SETD4: variants seen among roughly 807,000 people sequenced by gnomAD.
SETD4 encodes SET domain containing 4, also known as SET domain-containing protein 4.
Under a neutral mutation model 58.3 loss-of-function variants are expected in SETD4, and 46 were observed. The observed-to-expected ratio is 0.79, with a 90% CI of 0.62 to 1.01. The LOEUF is 1.01. Ranked by LOEUF, SETD4 falls within the 50% of genes least tolerant of loss-of-function variation. The pLI is 0.00. For synonymous variants in SETD4, 190 were observed against 202.6 expected (o/e 0.94, Z 0.53); for missense variants, 490 against 523.3 (o/e 0.94, Z 0.62).
intron 6 of SETD4, 133 bp from the exon 7 acceptor site, chr21:36,044,089 G>T: frequency 9.1e-7 from 1 of 1,096,414 alleles, no homozygotes; most frequent in South Asian, 1.6e-5. Flanking sequence ...ACTACGCATA[G>T]GGAAAATGCC....
intron 10 of SETD4, 100 bp downstream of exon 10, chr21:36,038,050 C>T: frequency 7.5e-7 from 1 of 1,332,050 alleles, no homozygotes; most frequent in Non-Finnish European, 1.0e-6. Flanking sequence ...AGGCACTAAA[C>T]AATGCTCTTA....
At chr21:36,044,679 G>A (rs2064225392) in intron 6 of SETD4, among the ~76,000 whole-genome samples, 1 of 152,192 alleles carries the variant, frequency 6.6e-6, no homozygotes, top group Admixed American at 6.5e-5. Context: ...TTGTTCCTGG[G>A]CTAAGAAAGC....
At chr21:36,060,098 G>A (rs1024821542) in intron 1 of SETD4, 4 of 985,658 alleles carry the variant, frequency 4.1e-6, no homozygotes, top group Non-Finnish European at 4.8e-6. Flanking sequence ...AGCCAGGCGA[G>A]CATCGGACCT....
intron 7 of SETD4, 163 bp from the exon 8 acceptor site, chr21:36,042,051 GTCAC>G: frequency 2.0e-6 from 1 of 503,646 alleles, no homozygotes. Flanking sequence ...GTCCAATTCA[GTCAC>G]ATCAGTACTG....
intron 9 of SETD4, among the ~76,000 whole-genome samples, chr21:36,039,082 T>G (rs2835241): frequency 0.36 from 54,656 of 151,906 alleles, 9,929 homozygotes; most frequent in Admixed American, 0.41. Context: ...CAGCCCGGAA[T>G]AGTCTCAGAA....
chr21:36,050,160 G>A, intron 4 of SETD4: 1 of 918,694 alleles, frequency 1.1e-6, no homozygotes, highest in Non-Finnish European at 1.8e-6. Flanking sequence ...ATAATCAACT[G>A]GTAGATGTTA....
intron 3 of SETD4, 29 bp downstream of exon 3, chr21:36,057,080 G>A: frequency 1.3e-6 from 2 of 1,583,474 alleles, no homozygotes; most frequent in South Asian, 1.1e-5. Flanking sequence ...GTGTGGGAAA[G>A]GGCAGGACAG....
At position 36,058,926 on chromosome 21, in the gene SETD4, T is replaced by C; in HGVS notation, c.-36-2A>G. 1 of 1,548,906 alleles carries C rather than the reference T, an allele frequency of 6.5e-7. No homozygotes were observed. The highest frequency in any genetic ancestry group is 8.7e-7 in the Non-Finnish European group (1 of 1,151,670). On this transcript the variant is annotated splice_acceptor_variant, in intron 1 of 11. Coordinates refer to ENST00000332131, the MANE Select transcript of SETD4 (RefSeq NM_017438.5). LOFTEE classifies it low-confidence loss of function (5UTR_SPLICE). The stretch of plus-strand genomic sequence containing the variant: ...GTTTCTTTTTTCTGAAATACAGTTC[T>C]ATTTTTTCAAAAAGGACAAAACTGT...
intron 4 of SETD4, chr21:36,050,074 G>A: frequency 1.7e-6 from 1 of 597,168 alleles, no homozygotes. Context: ...TAGGAGGGTG[G>A]TGCACTCTAA....
chr21:36,050,388 T>G (rs1487020832), intron 4 of SETD4: 22 of 1,613,988 alleles, frequency 1.4e-5, no homozygotes, highest in Non-Finnish European at 1.8e-5. Context: ...GAAAGGAAAC[T>G]TGGGTCTGCG....
chr21:36,049,329 T>G lies in SETD4; in HGVS notation c.208-933A>C, dbSNP rs527851892. On this transcript the variant is annotated intron_variant, in intron 4 of 11. Transcript: ENST00000332131. ...CAGCACTTTGGGAGGCTGAGGCAGG[T>G]GGATCGCTTGAGGTCAGGAGTTCAA... 3.3e-5 allele frequency among the ~76,000 whole-genome samples: 5 copies of G among 151,964 alleles called. No individual in the cohort carries two copies. In the East Asian group the frequency reaches 9.7e-4, roughly 29 times the overall value.
chr21:36,058,310 G>A (rs994837540), intron 2 of SETD4, among the ~76,000 whole-genome samples: 5 of 152,124 alleles, frequency 3.3e-5, no homozygotes, highest in Non-Finnish European at 7.3e-5. Flanking sequence ...AGACCAGCCT[G>A]TGCAACATAG....
intron 3 of SETD4, among the ~76,000 whole-genome samples, chr21:36,055,873 T>A (rs2064960683): frequency 6.6e-6 from 1 of 152,108 alleles, no homozygotes; most frequent in South Asian, 2.1e-4. Flanking sequence ...TTTAAACCCA[T>A]CCTTCCTAGG....
At position 36,036,182 on chromosome 21, in the gene SETD4, C is replaced by T; in HGVS notation, c.1258G>A (p.Glu420Lys). The change falls in exon 11 of 12, where the codon GAA becomes AAA. Residue 420 changes from glutamate to lysine, a missense_variant. By Grantham distance (56) the Glu-to-Lys change is moderately conservative. Transcript: ENST00000332131. ...QLTLVESLWTEELKILRASAE... is the reference protein window; with the variant it reads ...QLTLVESLWTKELKILRASAE... ...GATGCCCTGAGAATCTTTAGCTCTT[C>T]CGTCCACAAGGATTCCACCAAAGTT... is the stretch of plus-strand genomic sequence containing the variant. The T allele has an allele frequency of 2.5e-6, 4 of 1,614,000 alleles. No homozygotes were observed. Among genetic ancestry groups the T allele is most frequent in the Non-Finnish European group, 3.4e-6 (4 of 1,180,008 alleles).
chr21:36,053,898 G>A (rs1309979161), intron 3 of SETD4, among the ~76,000 whole-genome samples: 1 of 152,210 alleles, frequency 6.6e-6, no homozygotes, highest in Non-Finnish European at 1.5e-5. Context: ...TGGGCCTCCT[G>A]CAGGACGCTT....
chr21:36,042,161 A>C (rs2064096314), intron 7 of SETD4: 1 of 233,894 alleles, frequency 4.3e-6, no homozygotes, highest in Admixed American at 6.0e-5. Flanking sequence ...AAAAACAAGC[A>C]GGTCATTAGG....
Position 36,048,402 on chromosome 21 carries a change from C to T in SETD4, c.208-6G>A, listed in dbSNP as rs1568924954. 6.2e-7 allele frequency: 1 copy of T among 1,613,804 alleles called. No homozygotes were observed. The highest frequency in any genetic ancestry group is 8.5e-7 in the Non-Finnish European group (1 of 1,179,802). On this transcript the variant is annotated splice_region_variant and splice_polypyrimidine_tract_variant and intron_variant, in intron 4 of 11. Transcript: ENST00000332131. ...GAAATAATCATCTGTCCCTCCTGGC[C>T]AAAAGGAAAGTAAAGTTGAGGACGC...
intron 2 of SETD4, chr21:36,057,591 A>C: frequency 2.4e-6 from 1 of 419,566 alleles, no homozygotes; most frequent in Non-Finnish European, 4.3e-6. Flanking sequence ...ATGTAATCCT[A>C]ATCAAAATTC....
chr21:36,050,261 T>C, intron 4 of SETD4: 1 of 1,530,106 alleles, frequency 6.5e-7, no homozygotes, highest in Non-Finnish European at 9.1e-7. Context: ...TGATAGATTG[T>C]CCCATCAGGG....
Sources: allele counts gnomAD v4.1 joint callset (sites outside exome capture counted in the v4.1 genomes callset), GRCh38; gene constraint gnomAD v4.1.1; transcripts MANE v1.5; gene names NCBI Gene and HGNC (gene_info 2026-07-23, HGNC 2026-07-21).